The following PCNX2 variants were observed in gnomAD, a reference collection of about 807,000 sequenced individuals.
The protein encoded by PCNX2 is pecanex-like protein 2.
PCNX2 carries 168 observed loss-of-function variants against 223.8 expected under a neutral mutation model. That is an observed-to-expected ratio of 0.75 (90% CI 0.66 to 0.85). The LOEUF is 0.85. Among genes scored for constraint, PCNX2 ranks in the 40% least tolerant of loss-of-function variants. PCNX2 has a pLI of 0.00. For missense variants in PCNX2, 2,507 were observed against 2,675.5 expected (o/e 0.94, Z 1.39); for synonymous variants, 1,006 against 1,052.6 (o/e 0.96, Z 0.86).
intron 26 of PCNX2, among the ~76,000 whole-genome samples, chr1:233,023,531 C>G (rs1327635937): frequency 6.6e-6 from 1 of 152,212 alleles, no homozygotes; most frequent in African/African-American, 2.4e-5. Flanking sequence ...TACCAACCAT[C>G]ATCAAAGTCC....
At position 233,179,054 on chromosome 1, in the gene PCNX2, T is replaced by G. The variant is rs750018492; in HGVS notation, c.3176+12A>C. On this transcript the variant is annotated intron_variant, in intron 16 of 33. Transcript: ENST00000258229. Reference sequence around the variant, plus strand: ...GCTCAGTGATGAGAGAGCACAGGCATAGACCACTCACATGAGTACAGATGG... The same window carrying G: ...GCTCAGTGATGAGAGAGCACAGGCAGAGACCACTCACATGAGTACAGATGG... 1 of 1,611,920 alleles carries G rather than the reference T, an allele frequency of 6.2e-7. No homozygotes were observed. The highest frequency in any genetic ancestry group is 1.3e-5 in the African/African-American group (1 of 74,882).
At chr1:233,147,714 A>G (rs1478319033) in intron 19 of PCNX2, among the ~76,000 whole-genome samples, 1 of 152,238 alleles carries the variant, frequency 6.6e-6, no homozygotes, top group Non-Finnish European at 1.5e-5. Context: ...CTTGGACTGT[A>G]AGTACCATTC....
intron 15 of PCNX2, among the ~76,000 whole-genome samples, chr1:233,189,782 A>G (rs924337746): frequency 6.6e-6 from 1 of 152,178 alleles, no homozygotes; most frequent in African/African-American, 2.4e-5. Flanking sequence ...ATAAAAAAGA[A>G]ATCTCTTTGT....
At chr1:233,151,455 G>A (rs550277017) in intron 19 of PCNX2, among the ~76,000 whole-genome samples, 5 of 152,284 alleles carry the variant, frequency 3.3e-5, no homozygotes, top group South Asian at 4.1e-4. Flanking sequence ...TATATTGCAC[G>A]CAGCATATTA....
At chr1:233,264,047 C>A (rs1660204150) in intron 1 of PCNX2, among the ~76,000 whole-genome samples, 1 of 152,118 alleles carries the variant, frequency 6.6e-6, no homozygotes, top group African/African-American at 2.4e-5. Context: ...CCAGCAGAGA[C>A]AAATGATCTG....
At chr1:233,254,702 C>T (rs1426198188) in intron 5 of PCNX2, among the ~76,000 whole-genome samples, 1 of 141,948 alleles carries the variant, frequency 7.0e-6, no homozygotes, top group Non-Finnish European at 1.5e-5. Flanking sequence ...GATATACGCA[C>T]TTTTTTTTTT....
At chr1:233,016,702 A>G (rs1037256263) in intron 27 of PCNX2, 3 of 897,554 alleles carry the variant, frequency 3.3e-6, no homozygotes, top group South Asian at 1.0e-4. Context: ...CACTGCATAA[A>G]GGGATCTATA....
chr1:233,078,641 T>TCAG (rs1175365782), intron 23 of PCNX2, among the ~76,000 whole-genome samples: 1 of 152,190 alleles, frequency 6.6e-6, no homozygotes, highest in Non-Finnish European at 1.5e-5. Flanking sequence ...CCTTGAAGCA[T>TCAG]CAGCAGCAGC....
At chr1:233,092,858 G>A (rs1054404034) in intron 22 of PCNX2, among the ~76,000 whole-genome samples, 2 of 152,100 alleles carry the variant, frequency 1.3e-5, no homozygotes, top group African/African-American at 4.8e-5. Context: ...GAGTGCGGTG[G>A]CACCATCTCA....
Position 233,139,188 on chromosome 1 carries a change from A to G in PCNX2, c.3659+526T>C, listed in dbSNP as rs552699122. 3.3e-5 allele frequency among the ~76,000 whole-genome samples: 5 copies of G among 151,538 alleles called. No individual in the cohort carries two copies. The highest frequency in any genetic ancestry group is 5.9e-5 in the Non-Finnish European group (4 of 68,036). ...TATGAAACCAATAACTCGACTGTAC[A>G]TTGTTAATGCTTTGAAAGACATGGG... On this transcript the variant is annotated intron_variant, in intron 20 of 33. Transcript: ENST00000258229. The surrounding 1 kb of genome is among the most constrained non-coding windows in gnomAD (Gnocchi z 4.4).
intron 1 of PCNX2, chr1:233,288,804 CTTTTTTTTT>C (rs10558976): frequency 3.5e-5 from 15 of 432,748 alleles, no homozygotes; most frequent in East Asian, 7.2e-5. Flanking sequence ...GAAAGATGCC[CTTTTTTTTT>C]TTTTTTTTTT....
intron 23 of PCNX2, among the ~76,000 whole-genome samples, chr1:233,060,222 C>A (rs74668105): frequency 0.014 from 2,196 of 152,212 alleles, 49 homozygotes; most frequent in African/African-American, 0.049. Context: ...CAACAAAATT[C>A]TTTTTAATGA....
At chr1:233,304,507 T>TA in the PCNX2 span, among the ~76,000 whole-genome samples, 1 of 152,080 alleles carries the variant, frequency 6.6e-6, no homozygotes, top group East Asian at 1.9e-4. Flanking sequence ...AGAGTAAGCA[T>TA]AAAAAATAAA....
intron 15 of PCNX2, among the ~76,000 whole-genome samples, chr1:233,192,612 C>T (rs754265238): frequency 6.6e-6 from 1 of 151,780 alleles, no homozygotes; most frequent in Non-Finnish European, 1.5e-5. Flanking sequence ...AGCACATTTA[C>T]ATCAAAAAAA....
chr1:233,142,763 C>G (rs535504504), intron 19 of PCNX2, among the ~76,000 whole-genome samples: 2 of 152,182 alleles, frequency 1.3e-5, no homozygotes, highest in Non-Finnish European at 2.9e-5. Context: ...ACTGATACTT[C>G]TCAGTCTCTC....
the PCNX2 span, among the ~76,000 whole-genome samples, chr1:233,320,289 A>G: frequency 6.6e-6 from 1 of 152,172 alleles, no homozygotes; most frequent in Non-Finnish European, 1.5e-5. Flanking sequence ...ATCACAACTA[A>G]GAAGTCAACA....
In PCNX2 at chr1:233,258,051, T is replaced by A; in HGVS notation, c.1811A>T (p.Asn604Ile). Residue 604 changes from asparagine to isoleucine, a missense_variant, in exon 5 of 34, where the codon AAT (asparagine) becomes ATT (isoleucine). Asn to Ile is a moderately radical substitution (Grantham distance 149, BLOSUM62 -3). Around this residue, in one of 3 missense-constraint regions of PCNX2, gnomAD observed 1,031 missense variants for 1,021.7 expected, o/e 1.01. Coordinates refer to ENST00000258229, the MANE Select transcript of PCNX2 (RefSeq NM_014801.4). ...ACCTCGGAGAAGCCCACTTTCTTCA[T>A]TCTGCTCAGCTGAGCCATTCAGTTG... Reference protein sequence around the residue: ...SSQLNGSAEQNEESGLLRDNC... With the variant: ...SSQLNGSAEQIEESGLLRDNC... 1 of 1,613,026 alleles carries A rather than the reference T, an allele frequency of 6.2e-7. No individual in the cohort carries two copies. Among genetic ancestry groups the A allele is most frequent in the African/African-American group, 1.3e-5 (1 of 75,040 alleles).
chr1:233,287,388 A>G (rs146758895), intron 1 of PCNX2, among the ~76,000 whole-genome samples: 83 of 152,328 alleles, frequency 5.4e-4, no homozygotes, highest in African/African-American at 1.9e-3. Context: ...TGCAGCTCCC[A>G]TAATTCCCAC....
chr1:233,016,767 G>A, intron 27 of PCNX2, 154 bp downstream of exon 27: 1 of 980,368 alleles, frequency 1.0e-6, no homozygotes, highest in South Asian at 4.7e-5. Context: ...ATTTAATTTT[G>A]CTTACCTTCA....
Sources: allele counts gnomAD v4.1 joint callset (sites outside exome capture counted in the v4.1 genomes callset), GRCh38; gene constraint gnomAD v4.1.1; regional missense constraint gnomAD v4.1.1; non-coding constraint Gnocchi (gnomAD v3.1); transcripts MANE v1.5; gene names NCBI Gene and HGNC (gene_info 2026-07-23, HGNC 2026-07-21).